The following SAMD5 variants were observed in gnomAD, a reference collection of about 807,000 sequenced individuals.
The protein encoded by SAMD5 is sterile alpha motif domain containing 5.
In SAMD5, 13 loss-of-function variants were observed where a neutral mutation model predicts 11.3. That is an observed-to-expected ratio of 1.15 (90% CI 0.75 to 1.83). SAMD5 has a LOEUF of 1.83. Ranked by LOEUF, SAMD5 falls within the 40% of genes most tolerant of loss-of-function variation. The pLI is 0.00. For synonymous variants in SAMD5, 129 were observed against 111.3 expected, an observed-to-expected ratio of 1.16 and a Z score of -1.00; for missense variants, 255 against 239.1, an observed-to-expected ratio of 1.07 and a Z score of -0.44.
the SAMD5 span, among the ~76,000 whole-genome samples, chr6:147,780,634 A>G: frequency 6.6e-6 from 1 of 152,226 alleles, no homozygotes; most frequent in African/African-American, 2.4e-5. Flanking sequence ...GGAATTATTG[A>G]TTTCTATACA....
At chr6:147,746,687 T>G in the SAMD5 span, among the ~76,000 whole-genome samples, 1 of 152,158 alleles carries the variant, frequency 6.6e-6, no homozygotes, top group South Asian at 2.1e-4. Flanking sequence ...TCATGGAAGG[T>G]CTCAGAAGAC....
chr6:147,844,750 G>C, the SAMD5 span, among the ~76,000 whole-genome samples: 1 of 151,708 alleles, frequency 6.6e-6, no homozygotes, highest in Non-Finnish European at 1.5e-5. Flanking sequence ...AAATAAGCCA[G>C]GCACAGAAAG....
chr6:147,827,283 C>T, the SAMD5 span, among the ~76,000 whole-genome samples: 1 of 150,632 alleles, frequency 6.6e-6, no homozygotes, highest in Non-Finnish European at 1.5e-5. Context: ...GTTCGTTGCA[C>T]ACACATATAC....
intron 1 of SAMD5, among the ~76,000 whole-genome samples, chr6:147,653,679 C>T (rs1381181507): frequency 6.6e-6 from 1 of 152,100 alleles, no homozygotes; most frequent in African/African-American, 2.4e-5. Context: ...ATGCACAGAG[C>T]CTATTTTTTT....
chr6:147,731,986 T>C (rs1562362490), intron 1 of SAMD5, among the ~76,000 whole-genome samples: 1 of 152,150 alleles, frequency 6.6e-6, no homozygotes, highest in Non-Finnish European at 1.5e-5. Flanking sequence ...AAACAAGGCT[T>C]TTGATGACTG....
the SAMD5 span, among the ~76,000 whole-genome samples, chr6:147,763,525 C>T: frequency 1.3e-4 from 20 of 151,534 alleles, no homozygotes; most frequent in Middle Eastern, 3.4e-3. Flanking sequence ...TTAGTTTTTA[C>T]ATAATGTTCT....
intron 1 of SAMD5, among the ~76,000 whole-genome samples, chr6:147,550,509 C>T (rs1193514108): frequency 6.6e-6 from 1 of 152,110 alleles, no homozygotes; most frequent in Non-Finnish European, 1.5e-5. Flanking sequence ...ACCTAAGTAT[C>T]CATCAATGGA....
At chr6:147,543,476 A>G (rs1788637937) in intron 1 of SAMD5, among the ~76,000 whole-genome samples, 1 of 152,144 alleles carries the variant, frequency 6.6e-6, no homozygotes, top group Non-Finnish European at 1.5e-5. Flanking sequence ...TGTTTGATTT[A>G]TTTGCTTGAC....
intron 1 of SAMD5, among the ~76,000 whole-genome samples, chr6:147,607,112 A>C (rs1373462827): frequency 6.6e-6 from 1 of 152,212 alleles, no homozygotes; most frequent in Non-Finnish European, 1.5e-5. Context: ...GCCTTAAAAA[A>C]ATTCTTTCAT....
chr6:147,660,593 G>A (rs1351051443), intron 1 of SAMD5: 1 of 152,226 alleles, frequency 6.6e-6, no homozygotes, highest in Non-Finnish European at 1.5e-5. Context: ...CTGGTACAAA[G>A]TAATTGGATC....
At chr6:147,854,677 A>G in the SAMD5 span, among the ~76,000 whole-genome samples, 2 of 152,170 alleles carry the variant, frequency 1.3e-5, no homozygotes, top group African/African-American at 4.8e-5. Flanking sequence ...TAAAACCACA[A>G]TTACTTTTGA....
chr6:147,752,714 A>T, the SAMD5 span, among the ~76,000 whole-genome samples: 1 of 152,164 alleles, frequency 6.6e-6, no homozygotes, highest in Non-Finnish European at 1.5e-5. Flanking sequence ...GGAACTGAGG[A>T]TGACACCATA....
rs1403510654 is a variant in SAMD5 at position 147,721,177 on chromosome 6, A to G, written c.163-16140A>G. Reference sequence around the variant, plus strand: ...TAAACATACGTGTGCATGTGTCTTTATAGCAGCATGATTTATAGTCCTTTG... The same window carrying G: ...TAAACATACGTGTGCATGTGTCTTTGTAGCAGCATGATTTATAGTCCTTTG... On this transcript the variant is annotated intron_variant, in intron 1 of 1. Coordinates refer to the SAMD5 transcript ENST00000566741. Among the ~76,000 whole-genome samples the G allele has an allele frequency of 2.0e-5, 3 of 147,654 alleles. No homozygotes were observed. In the East Asian group the frequency reaches 5.9e-4, roughly 29 times the overall value.
chr6:147,618,541 G>A (rs1789908619), intron 1 of SAMD5, among the ~76,000 whole-genome samples: 1 of 152,198 alleles, frequency 6.6e-6, no homozygotes. Context: ...AGTAAGTGAT[G>A]AGAAACAGAA....
rs148827800 is a variant in SAMD5 at position 147,621,247 on chromosome 6, G to A, written c.162+111860G>A. On this transcript the variant is annotated intron_variant, in intron 1 of 1. Coordinates refer to the SAMD5 transcript ENST00000566741. ...CTTGGAGAAAGCTTATGAAATTTTA[G>A]AAGTATGAAATAATGAAACGTGAAA... Among the ~76,000 whole-genome samples the A allele has an allele frequency of 1.6e-3, 245 of 152,278 alleles. 2 individuals are homozygous for A. Among genetic ancestry groups the A allele is most frequent in the African/African-American group, 5.7e-3 (235 of 41,556 alleles).
At chr6:147,909,348 T>C in the SAMD5 span, among the ~76,000 whole-genome samples, 14 of 152,320 alleles carry the variant, frequency 9.2e-5, no homozygotes, top group Admixed American at 6.5e-4. Context: ...TTGATCTCAC[T>C]GAAAATGAAA....
intron 1 of SAMD5, among the ~76,000 whole-genome samples, chr6:147,717,428 A>G (rs949689564): frequency 6.6e-6 from 1 of 152,170 alleles, no homozygotes; most frequent in Admixed American, 6.5e-5. Flanking sequence ...TGAAGTGGCT[A>G]TTAGGCAGTG....
chr6:147,823,760 A>G, the SAMD5 span, among the ~76,000 whole-genome samples: 4 of 152,216 alleles, frequency 2.6e-5, no homozygotes, highest in Non-Finnish European at 4.4e-5. Context: ...CACCATGAGC[A>G]TTTAAGTATT....
chr6:147,884,731 A>C, the SAMD5 span, among the ~76,000 whole-genome samples: 1 of 152,174 alleles, frequency 6.6e-6, no homozygotes, highest in Non-Finnish European at 1.5e-5. Context: ...TTTATATTAG[A>C]TGTGCTAATT....
Sources: allele counts gnomAD v4.1 joint callset (sites outside exome capture counted in the v4.1 genomes callset), GRCh38; gene constraint gnomAD v4.1.1; transcripts MANE v1.5; gene names NCBI Gene and HGNC (gene_info 2026-07-23, HGNC 2026-07-21).